NOC3L: variants seen among roughly 807,000 people sequenced by gnomAD.
NOC3L encodes the protein NOC3 like DNA replication regulator, also known as nucleolar complex protein 3 homolog.
A neutral mutation model predicts 102.5 loss-of-function variants in NOC3L; 85 were observed. That is an observed-to-expected ratio of 0.83 (90% CI 0.70 to 0.99). The LOEUF (loss-of-function observed/expected upper bound fraction) is 0.99, where lower values mean the gene tolerates loss of function less well. Among genes scored for constraint, NOC3L ranks in the 50% least tolerant of loss-of-function variants. The probability of loss-of-function intolerance (pLI) is 0.00; values close to 1 mark genes in which losing one functional copy is unlikely to be tolerated. For missense variants in NOC3L, 878 were observed against 914.9 expected, an observed-to-expected ratio of 0.96 and a Z score of 0.52; for synonymous variants, 303 against 309.4, an observed-to-expected ratio of 0.98 and a Z score of 0.22.
intron 13 of NOC3L, 94 bp from the exon 14 acceptor site, chr10:94,341,839 C>A: frequency 1.5e-6 from 1 of 657,420 alleles, no homozygotes; most frequent in South Asian, 2.8e-5. Flanking sequence ...TTTTAATATT[C>A]TTTATTTCGA....
the NOC3L span, chr10:94,325,731 C>T: frequency 6.6e-6 from 1 of 152,124 alleles, no homozygotes; most frequent in African/African-American, 2.4e-5. Flanking sequence ...ACTCTGATAG[C>T]CTTATTTCAT....
At position 94,355,110 on chromosome 10, in the gene NOC3L, G is replaced by C; in HGVS notation, c.566-17C>G. On this transcript the variant is annotated splice_polypyrimidine_tract_variant and intron_variant, in intron 5 of 20. Coordinates refer to ENST00000371361, the MANE Select transcript of NOC3L (RefSeq NM_022451.11). Reference sequence around the variant, plus strand: ...CAATGATCTCTAAAACAGATTAGATGTTCCCTTACATATTCCTCTGCTTAC... The same window carrying C: ...CAATGATCTCTAAAACAGATTAGATCTTCCCTTACATATTCCTCTGCTTAC... The C allele has an allele frequency of 1.9e-6, 3 of 1,598,906 alleles. No homozygotes were observed. The highest frequency in any genetic ancestry group is 2.6e-6 in the Non-Finnish European group (3 of 1,170,980).
chr10:94,320,039 A>C, the NOC3L span, among the ~76,000 whole-genome samples: 3 of 151,956 alleles, frequency 2.0e-5, no homozygotes, highest in African/African-American at 7.2e-5. Context: ...CGTTGTTGGG[A>C]CATTTTATGT....
downstream of NOC3L, chr10:94,329,220 C>CTT (rs1379629356): frequency 1.3e-5 from 2 of 152,230 alleles, no homozygotes; most frequent in African/African-American, 4.8e-5. Context: ...TATTTTTAAA[C>CTT]TTTGCTGTAC....
the NOC3L span, chr10:94,324,715 C>T: frequency 6.3e-4 from 628 of 989,506 alleles, 5 homozygotes; most frequent in East Asian, 0.014. Flanking sequence ...TTTGTTTTCA[C>T]TGTGTGAAAA....
chr10:94,336,218 G>C lies in NOC3L; in HGVS notation c.2190-1500C>G, dbSNP rs372865345. 1.4e-4 allele frequency among the ~76,000 whole-genome samples: 21 copies of C among 152,232 alleles called. No individual in the cohort carries two copies. In the South Asian group the frequency reaches 3.9e-3, roughly 29 times the overall value. ...TCCTGTCTGCCATGTGAGGGCATGG[G>C]GTTCCTCCCCTCCAGAAGATGCAGC... On this transcript the variant is annotated intron_variant, in intron 19 of 20. Transcript: ENST00000371361.
the NOC3L span, chr10:94,316,785 G>A: frequency 4.0e-3 from 6,058 of 1,501,280 alleles, 8 homozygotes; most frequent in Non-Finnish European, 5.1e-3. Context: ...AGCCTACACA[G>A]TAACGACTCA....
chr10:94,342,590 G>GC (rs1323269722), intron 13 of NOC3L, among the ~76,000 whole-genome samples: 1 of 148,418 alleles, frequency 6.7e-6, no homozygotes, highest in Non-Finnish European at 1.5e-5. Context: ...ACACACGTGC[G>GC]CAAGTATTCC....
chr10:94,353,050 T>G lies in NOC3L; in HGVS notation c.704A>C (p.Lys235Thr). The change falls in exon 7 of 21, where the codon AAA becomes ACA. Residue 235 changes from lysine to threonine, a missense_variant. Physicochemically the swap from Lys to Thr is moderately conservative, Grantham distance 78 (BLOSUM62 -1). Coordinates refer to ENST00000371361, the MANE Select transcript of NOC3L (RefSeq NM_022451.11). ...ILSDPENNIK[K>T]LKELRSMLME... ...CAACATAGAACGTAATTCTTTCAATTTTTTAATCTGTTAAAGAAATAGCTT... is the reference window on the plus strand; with the variant it reads ...CAACATAGAACGTAATTCTTTCAATGTTTTAATCTGTTAAAGAAATAGCTT... 6.2e-7 allele frequency: 1 copy of G among 1,602,534 alleles called. No individual in the cohort carries two copies. The highest frequency in any genetic ancestry group is 8.5e-7 in the Non-Finnish European group (1 of 1,176,638).
At chr10:94,341,300 A>T (rs1005863049) in intron 14 of NOC3L, among the ~76,000 whole-genome samples, 1 of 152,086 alleles carries the variant, frequency 6.6e-6, no homozygotes, top group African/African-American at 2.4e-5. Context: ...AAGAATTTGA[A>T]TGGTTGTCAC....
chr10:94,349,994 G>A (rs189648478), intron 9 of NOC3L, 119 bp downstream of exon 9: 66 of 845,302 alleles, frequency 7.8e-5, no homozygotes, highest in African/African-American at 7.1e-4. Flanking sequence ...TCCTGACCTC[G>A]TGATCTGCCT....
At chr10:94,325,083 A>G in the NOC3L span, 1 of 1,613,730 alleles carries the variant, frequency 6.2e-7, no homozygotes, top group Non-Finnish European at 8.5e-7. Flanking sequence ...GACAGTGACT[A>G]AGGGCAGCAT....
chr10:94,333,341 T>TA lies in NOC3L; in HGVS notation c.*835dup, dbSNP rs1479858805. On this transcript the variant is annotated 3_prime_UTR_variant, in exon 21 of 21. Coordinates refer to ENST00000371361, the MANE Select transcript of NOC3L (RefSeq NM_022451.11). ...ACTCCTAGAATATGGGAATAGCTGT[T>TA]ACATAAAATACTGTTTTATAATTAT... 6.6e-6 allele frequency: 1 copy of TA among 152,164 alleles called. No homozygotes were observed. Among genetic ancestry groups the TA allele is most frequent in the African/African-American group, 2.4e-5 (1 of 41,452 alleles). The allele number at this position is 152,164 out of a possible 1,614,324, so 9.4% of individuals were successfully genotyped here.
At chr10:94,350,025 TG>T in intron 9 of NOC3L, 87 bp downstream of exon 9, 1 of 1,282,496 alleles carries the variant, frequency 7.8e-7, no homozygotes, top group Non-Finnish European at 1.1e-6. Context: ...CCCAAAGTGC[TG>T]GGATTACAGG....
intron 20 of NOC3L, 119 bp downstream of exon 20, chr10:94,334,515 G>T: frequency 1.4e-6 from 1 of 739,786 alleles, no homozygotes; most frequent in Non-Finnish European, 2.2e-6. Context: ...ATCCTATGAT[G>T]AAATCCTAAA....
chr10:94,347,914 C>T (rs10786161), intron 10 of NOC3L, among the ~76,000 whole-genome samples: 46,399 of 151,638 alleles, frequency 0.31, 7,445 homozygotes, highest in Middle Eastern at 0.47. Flanking sequence ...GGATTCTAAA[C>T]TGCCTGGAGT....
chr10:94,352,651 G>A (rs1333806054), intron 7 of NOC3L, among the ~76,000 whole-genome samples: 2 of 152,022 alleles, frequency 1.3e-5, no homozygotes, highest in South Asian at 2.1e-4. Flanking sequence ...GGGAAACCCC[G>A]TCTCTACTAA....
downstream of NOC3L, chr10:94,329,795 A>C (rs1207197552): frequency 6.7e-6 from 1 of 150,196 alleles, no homozygotes; most frequent in Non-Finnish European, 1.5e-5. Flanking sequence ...AAAAAAAAAA[A>C]AAAAAAAAAA....
At chr10:94,326,660 A>G in the NOC3L span, among the ~76,000 whole-genome samples, 1 of 152,240 alleles carries the variant, frequency 6.6e-6, no homozygotes, top group East Asian at 1.9e-4. Flanking sequence ...TATGCCTACT[A>G]TAATGAACAT....
Sources: gnomAD v4.1 joint callset for allele counts (sites outside exome capture counted in the v4.1 genomes callset) on GRCh38, gnomAD v4.1.1 for gene constraint, MANE v1.5 for transcripts, NCBI Gene and HGNC (gene_info 2026-07-23, HGNC 2026-07-21) for gene names.